EDNRA: variants seen among roughly 807,000 people sequenced by gnomAD.
EDNRA encodes the protein endothelin receptor type A, also known as endothelin-1 receptor.
EDNRA carries 11 observed loss-of-function variants against 41.4 expected under a neutral mutation model. The observed-to-expected ratio is 0.27, with a 90% CI of 0.17 to 0.44. EDNRA has a LOEUF of 0.44. EDNRA is among the 20% of genes least tolerant of loss of function. The pLI, the probability that EDNRA is intolerant of heterozygous loss-of-function variation, is 1.00. For synonymous variants in EDNRA, 172 were observed against 183.0 expected (o/e 0.94, Z 0.49); for missense variants, 294 against 531.0 (o/e 0.55, Z 4.39).
In EDNRA at chr4:147,503,748, G is replaced by A. The variant is rs1199017147; in HGVS notation, c.421-16103G>A. Among the ~76,000 whole-genome samples the A allele has an allele frequency of 2.6e-5, 4 of 151,992 alleles. No homozygotes were observed. The South Asian group carries it at 6.2e-4, about 24-fold the overall frequency. ...AAACACAGTATTAATCTAGATCAGC[G>A]TTTCTCCAAATTTTTGTTCTCAGCA... On this transcript the variant is annotated intron_variant, in intron 2 of 7. Transcript: ENST00000651419.
rs186359251 is a variant in EDNRA, at chr4:147,528,150, A to C, written c.549-4356A>C. Reference sequence around the variant, plus strand: ...ATTATGCTGACTGATTCTTCACCAGAATTCCCTAGAGATTAAGAATTCCCT... The same window carrying C: ...ATTATGCTGACTGATTCTTCACCAGCATTCCCTAGAGATTAAGAATTCCCT... On this transcript the variant is annotated intron_variant, in intron 3 of 7. Coordinates refer to ENST00000651419, the MANE Select transcript of EDNRA (RefSeq NM_001957.4). Among the ~76,000 whole-genome samples, 32 of 152,254 alleles carry C rather than the reference A, an allele frequency of 2.1e-4. No individual in the cohort carries two copies. In the East Asian group the frequency reaches 5.8e-3, roughly 28 times the overall value.
At chr4:147,510,869 G>A (rs1039283322) in intron 2 of EDNRA, among the ~76,000 whole-genome samples, 1 of 152,168 alleles carries the variant, frequency 6.6e-6, no homozygotes, top group Non-Finnish European at 1.5e-5. Context: ...AAGGGTGCAG[G>A]TTAGCTTAGA....
At chr4:147,520,521 A>C in intron 3 of EDNRA, 1 of 513,834 alleles carries the variant, frequency 1.9e-6, no homozygotes, top group Admixed American at 2.0e-5. Context: ...TCTTTCCAGA[A>C]TCCGCACGCA....
At chr4:147,536,110 T>C in intron 5 of EDNRA, 81 bp downstream of exon 5, 1 of 1,479,638 alleles carries the variant, frequency 6.8e-7, no homozygotes, top group Non-Finnish European at 9.3e-7. Flanking sequence ...CCATCTTTAG[T>C]AGAATTAGCC....
chr4:147,532,028 A>C (rs1730759994), intron 3 of EDNRA, among the ~76,000 whole-genome samples: 1 of 141,424 alleles, frequency 7.1e-6, no homozygotes, highest in Non-Finnish European at 1.5e-5. Context: ...AAAAAAAAAA[A>C]AAGGCCAGGT....
At chr4:147,507,541 G>A (rs2126424242) in intron 2 of EDNRA, among the ~76,000 whole-genome samples, 1 of 152,324 alleles carries the variant, frequency 6.6e-6, no homozygotes, top group East Asian at 1.9e-4. Context: ...GGAATGGGAA[G>A]GGGAGAGAAG....
At chr4:147,510,466 G>A (rs1445766530) in intron 2 of EDNRA, among the ~76,000 whole-genome samples, 1 of 152,094 alleles carries the variant, frequency 6.6e-6, no homozygotes, top group Non-Finnish European at 1.5e-5. Context: ...ATGACCATAA[G>A]ACATAAAGTA....
intron 2 of EDNRA, chr4:147,490,925 A>G (rs1295134378): frequency 1.3e-5 from 2 of 152,168 alleles, no homozygotes; most frequent in Non-Finnish European, 2.9e-5. Flanking sequence ...AGATGTATGT[A>G]TGAGAGAGAT....
At chr4:147,493,283 G>C (rs1161040659) in intron 2 of EDNRA, 1 of 152,118 alleles carries the variant, frequency 6.6e-6, no homozygotes, top group African/African-American at 2.4e-5. Flanking sequence ...TTGTGTGTGT[G>C]TGTAAATGTT....
intron 2 of EDNRA, among the ~76,000 whole-genome samples, chr4:147,512,127 A>G (rs1472788211): frequency 6.6e-6 from 1 of 152,188 alleles, no homozygotes; most frequent in Non-Finnish European, 1.5e-5. Flanking sequence ...TCTCTATCCA[A>G]TGATCCTTTG....
chr4:147,481,682 G>C (rs1028034343), intron 1 of EDNRA, among the ~76,000 whole-genome samples: 11 of 152,194 alleles, frequency 7.2e-5, no homozygotes, highest in Non-Finnish European at 1.5e-4. Flanking sequence ...GTTTTCCCTG[G>C]GTGACCCCTT....
chr4:147,498,248 A>G (rs1374227565), intron 2 of EDNRA, among the ~76,000 whole-genome samples: 2 of 152,230 alleles, frequency 1.3e-5, no homozygotes, highest in Non-Finnish European at 1.5e-5. Flanking sequence ...TGAGTCATTG[A>G]CACTTTTCCT....
rs1048762786 is a variant in EDNRA, at chr4:147,523,489, T to G, written c.548+3511T>G. Reference sequence around the variant, plus strand: ...TTTTTTTGTTGTTGTTGTTTTTTTGTTTTTTTTGTTTTTTTTTTTGAGATG... The same window carrying G: ...TTTTTTTGTTGTTGTTGTTTTTTTGGTTTTTTTGTTTTTTTTTTTGAGATG... On this transcript the variant is annotated intron_variant, in intron 3 of 7. Transcript: ENST00000651419. 5.3e-5 allele frequency among the ~76,000 whole-genome samples: 7 copies of G among 132,438 alleles called. 1 individual carries two copies. Among genetic ancestry groups the G allele is most frequent in the Admixed American group, 1.4e-4 (2 of 14,010 alleles). The allele number at this position is 132,438 out of a possible 152,430, so 86.9% of individuals were successfully genotyped here.
At chr4:147,514,449 C>G (rs1449282415) in intron 2 of EDNRA, among the ~76,000 whole-genome samples, 1 of 151,330 alleles carries the variant, frequency 6.6e-6, no homozygotes, top group Non-Finnish European at 1.5e-5. Context: ...CTACATGGCC[C>G]CAACACGATT....
chr4:147,504,714 G>A (rs1729627945), intron 2 of EDNRA, among the ~76,000 whole-genome samples: 1 of 151,994 alleles, frequency 6.6e-6, no homozygotes, highest in Non-Finnish European at 1.5e-5. Context: ...AGCACTTTGG[G>A]AGGCCAAGGC....
chr4:147,530,042 G>T (rs1730692445), intron 3 of EDNRA, among the ~76,000 whole-genome samples: 1 of 152,144 alleles, frequency 6.6e-6, no homozygotes. Flanking sequence ...TGTGAATGTT[G>T]AATTTACATT....
intron 2 of EDNRA, chr4:147,490,591 A>G (rs936793858): frequency 3.3e-5 from 5 of 152,220 alleles, no homozygotes; most frequent in African/African-American, 1.2e-4. Context: ...TACATTTGTT[A>G]GAATGGCAAA....
chr4:147,485,571 A>T (rs1440933443), intron 1 of EDNRA, 41 bp from the exon 2 acceptor site: 2 of 1,251,560 alleles, frequency 1.6e-6, no homozygotes, highest in African/African-American at 3.0e-5. Context: ...CTTTTTGGCA[A>T]CTGGGTTTTG....
At chr4:147,540,270 G>C (rs945353600) in intron 6 of EDNRA, 107 bp from the exon 7 acceptor site, 4 of 976,822 alleles carry the variant, frequency 4.1e-6, no homozygotes, top group Non-Finnish European at 4.5e-6. Context: ...CCACCCATAC[G>C]AAATGGCTTC....
Sources: allele counts gnomAD v4.1 joint callset (sites outside exome capture counted in the v4.1 genomes callset), GRCh38; gene constraint gnomAD v4.1.1; transcripts MANE v1.5; gene names NCBI Gene and HGNC (gene_info 2026-07-23, HGNC 2026-07-21).